VEPH1: variants seen among roughly 807,000 people sequenced by gnomAD.
The protein encoded by VEPH1 is ventricular zone expressed PH domain containing 1, also known as ventricular zone-expressed PH domain-containing protein homolog 1.
A neutral mutation model predicts 85.2 loss-of-function variants in VEPH1; 80 were observed. The observed-to-expected ratio is 0.94, with a 90% CI of 0.78 to 1.13. The LOEUF is 1.13. Ranked by LOEUF, VEPH1 falls within the 50% of genes most tolerant of loss-of-function variation. VEPH1 has a pLI of 0.00. For synonymous variants in VEPH1, 297 were observed against 348.0 expected (o/e 0.85, Z 1.63); for missense variants, 955 against 980.5 (o/e 0.97, Z 0.35).
At chr3:157,268,128 A>G (rs1424697983) in intron 12 of VEPH1, among the ~76,000 whole-genome samples, 2 of 152,224 alleles carry the variant, frequency 1.3e-5, no homozygotes, top group African/African-American at 2.4e-5. Context: ...TCTTAAAGCT[A>G]GTAATGATCT....
At chr3:157,290,335 C>A (rs765588505) in intron 11 of VEPH1, among the ~76,000 whole-genome samples, 48 of 152,278 alleles carry the variant, frequency 3.2e-4, no homozygotes, top group Admixed American at 2.4e-3. Context: ...TAGCCAATAC[C>A]TTGACTGTAG....
chr3:157,478,199 G>A (rs917631210), intron 2 of VEPH1, among the ~76,000 whole-genome samples: 1 of 152,116 alleles, frequency 6.6e-6, no homozygotes, highest in Non-Finnish European at 1.5e-5. Flanking sequence ...ATGAAGGCCT[G>A]GTCCCTTGTC....
intron 7 of VEPH1, among the ~76,000 whole-genome samples, chr3:157,376,341 C>T (rs1283695106): frequency 6.6e-6 from 1 of 152,154 alleles, no homozygotes; most frequent in Non-Finnish European, 1.5e-5. Context: ...ATGATCACTC[C>T]ACTGCTCAGC....
intron 6 of VEPH1, among the ~76,000 whole-genome samples, chr3:157,389,117 T>TG (rs1272307085): frequency 2.6e-5 from 4 of 152,216 alleles, no homozygotes; most frequent in African/African-American, 9.6e-5. Context: ...CATAACATTG[T>TG]TATATGTGTG....
At chr3:157,360,065 C>T (rs1313773549) in intron 9 of VEPH1, among the ~76,000 whole-genome samples, 1 of 152,138 alleles carries the variant, frequency 6.6e-6, no homozygotes, top group Non-Finnish European at 1.5e-5. Flanking sequence ...ACACATCAAA[C>T]ATAACACAAT....
chr3:157,351,070 A>G (rs1724816281), intron 9 of VEPH1, among the ~76,000 whole-genome samples: 2 of 152,178 alleles, frequency 1.3e-5, no homozygotes, highest in Non-Finnish European at 2.9e-5. Context: ...TTGCGCCCCC[A>G]TGCTTATTGC....
rs143287219 is a variant in VEPH1, at chr3:157,442,752, A to G, written c.530-14264T>C. The G allele has an allele frequency of 4.4e-4, 718 of 1,614,096 alleles. 1 individual carries two copies. Among genetic ancestry groups the G allele is most frequent in the Non-Finnish European group, 5.9e-4 (694 of 1,180,036 alleles). On this transcript the variant is annotated intron_variant, in intron 4 of 13. Coordinates refer to ENST00000362010, the MANE Select transcript of VEPH1 (RefSeq NM_001167912.2). ...AGGTCACATTGTTCCTGAGGGAGGAATCCTGCAGATTGGCCAAGAAAAGAA... is the reference window on the plus strand; with the variant it reads ...AGGTCACATTGTTCCTGAGGGAGGAGTCCTGCAGATTGGCCAAGAAAAGAA...
intron 5 of VEPH1, among the ~76,000 whole-genome samples, chr3:157,420,606 GTCT>G (rs765685865): frequency 9.9e-5 from 15 of 152,150 alleles, no homozygotes; most frequent in Non-Finnish European, 2.1e-4. Flanking sequence ...CCAGCACTCT[GTCT>G]TCTTAATGTT....
rs948815392 is a variant in VEPH1, at chr3:157,459,766, G to A, written c.529+415C>T. Reference sequence around the variant, plus strand: ...AAGAAGTCATTACACATTTTCTGATGTATTTTATCTAACAAAAGACATTTC... The same window carrying A: ...AAGAAGTCATTACACATTTTCTGATATATTTTATCTAACAAAAGACATTTC... On this transcript the variant is annotated intron_variant, in intron 4 of 13. Transcript: ENST00000362010. 18 of 1,454,170 alleles carry A rather than the reference G, an allele frequency of 1.2e-5. No individual in the cohort carries two copies. The Admixed American group carries it at 1.8e-4, about 15-fold the overall frequency. The allele number at this position is 1,454,170 out of a possible 1,614,324, so 90.1% of individuals were successfully genotyped here. A position where few individuals can be genotyped will look rare whatever the true frequency, so the allele number is the denominator to read the frequency against.
intron 6 of VEPH1, among the ~76,000 whole-genome samples, chr3:157,407,400 T>C (rs564592323): frequency 6.6e-6 from 1 of 152,278 alleles, no homozygotes; most frequent in Non-Finnish European, 1.5e-5. Context: ...GTTTACAAAA[T>C]GAGGTTTATT....
At chr3:157,499,652 G>C (rs966151698) in intron 1 of VEPH1, 2 of 152,140 alleles carry the variant, frequency 1.3e-5, no homozygotes, top group Non-Finnish European at 2.9e-5. Flanking sequence ...GCAACGCTCT[G>C]TTTCCTGAGG....
intron 8 of VEPH1, 109 bp downstream of exon 8, chr3:157,364,194 G>A: frequency 1.3e-6 from 1 of 773,168 alleles, no homozygotes; most frequent in South Asian, 1.9e-5. Flanking sequence ...TGGCACTTTG[G>A]GTGGCAATGG....
chr3:157,471,483 T>C (rs1372831541), intron 2 of VEPH1, among the ~76,000 whole-genome samples: 6 of 152,178 alleles, frequency 3.9e-5, no homozygotes, highest in Non-Finnish European at 5.9e-5. Context: ...GAATGTGAAC[T>C]CCCTCCAGCT....
intron 4 of VEPH1, among the ~76,000 whole-genome samples, chr3:157,441,880 A>G (rs1287578799): frequency 6.6e-6 from 1 of 152,148 alleles, no homozygotes; most frequent in Non-Finnish European, 1.5e-5. Flanking sequence ...GCATGTTGGT[A>G]AAGGCTAAAT....
intron 11 of VEPH1, among the ~76,000 whole-genome samples, chr3:157,297,407 G>A (rs1403832379): frequency 6.6e-6 from 1 of 152,122 alleles, no homozygotes; most frequent in Non-Finnish European, 1.5e-5. Flanking sequence ...TTTCAGAGGG[G>A]AATAATGACA....
At chr3:157,466,669 C>G (rs1307167909) in intron 3 of VEPH1, among the ~76,000 whole-genome samples, 1 of 152,224 alleles carries the variant, frequency 6.6e-6, no homozygotes, top group Non-Finnish European at 1.5e-5. Flanking sequence ...TTGATAAGAC[C>G]AAGATCCAAA....
At position 157,415,749 on chromosome 3, in the gene VEPH1, T is replaced by A. The variant is rs183407111; in HGVS notation, c.697-1659A>T. ...CACATCAATTATGATGAATTTTTTT[T>A]AAAAATTCTTAACTTGCTAAATTTT... On this transcript the variant is annotated intron_variant, in intron 5 of 13. Transcript: ENST00000362010. Among the ~76,000 whole-genome samples the A allele has an allele frequency of 1.3e-3, 200 of 152,234 alleles. 2 individuals carry two copies. The highest frequency in any genetic ancestry group is 3.6e-3 in the African/African-American group (148 of 41,502).
At chr3:157,482,138 T>G (rs1738163545) in intron 2 of VEPH1, among the ~76,000 whole-genome samples, 1 of 152,228 alleles carries the variant, frequency 6.6e-6, no homozygotes, top group Admixed American at 6.5e-5. Flanking sequence ...TGCTTAGGAT[T>G]GCTTCAGGTA....
At chr3:157,311,536 A>T (rs1720110272) in intron 11 of VEPH1, among the ~76,000 whole-genome samples, 1 of 152,362 alleles carries the variant, frequency 6.6e-6, no homozygotes. Flanking sequence ...TACATTGCAG[A>T]TATCAAAGTT....
Sources: allele counts gnomAD v4.1 joint callset (sites outside exome capture counted in the v4.1 genomes callset), GRCh38; gene constraint gnomAD v4.1.1; transcripts MANE v1.5; gene names NCBI Gene and HGNC (gene_info 2026-07-23, HGNC 2026-07-21).